SLC39A12: variants seen among roughly 807,000 people sequenced by gnomAD.
SLC39A12 encodes the protein zinc transporter ZIP12.
Under a neutral mutation model 71.1 loss-of-function variants are expected in SLC39A12, and 63 were observed. The observed-to-expected ratio is 0.89, with a 90% CI of 0.72 to 1.09. The LOEUF (loss-of-function observed/expected upper bound fraction) is 1.09. SLC39A12 is among the 50% of genes least tolerant of loss of function. The pLI is 0.00. For missense variants in SLC39A12, 892 were observed against 812.6 expected (o/e 1.10, Z -1.19); for synonymous variants, 351 against 301.3 (o/e 1.16, Z -1.71).
chr10:18,033,430 A>C (rs973259444), intron 12 of SLC39A12, among the ~76,000 whole-genome samples: 1 of 151,150 alleles, frequency 6.6e-6, no homozygotes, highest in African/African-American at 2.4e-5. Flanking sequence ...TTTCTAGTTT[A>C]TTTGCGTAGA....
chr10:18,009,203 C>T (rs6482124), intron 12 of SLC39A12, among the ~76,000 whole-genome samples: 46,163 of 151,826 alleles, frequency 0.3, 10,242 homozygotes, highest in African/African-American at 0.63. Flanking sequence ...ACTATAGAAA[C>T]CTCAAGGGGC....
chr10:17,976,543 G>C (rs1835113943), intron 4 of SLC39A12, among the ~76,000 whole-genome samples: 1 of 152,136 alleles, frequency 6.6e-6, no homozygotes, highest in African/African-American at 2.4e-5. Flanking sequence ...TCAGCTTCCT[G>C]AGTAGCTTGG....
At chr10:18,024,948 C>T (rs1239301380) in intron 12 of SLC39A12, among the ~76,000 whole-genome samples, 3 of 152,128 alleles carry the variant, frequency 2.0e-5, no homozygotes, top group African/African-American at 7.2e-5. Flanking sequence ...CTTTCTCCAA[C>T]CCTTTACTTA....
intron 12 of SLC39A12, among the ~76,000 whole-genome samples, chr10:18,028,061 C>T (rs1445568672): frequency 3.3e-5 from 5 of 152,192 alleles, no homozygotes; most frequent in Non-Finnish European, 5.9e-5. Context: ...CCTCCGTGTG[C>T]ACAGTGACTT....
At chr10:18,020,208 G>A (rs112871830) in intron 12 of SLC39A12, among the ~76,000 whole-genome samples, 113 of 152,118 alleles carry the variant, frequency 7.4e-4, no homozygotes, top group Non-Finnish European at 1.4e-3. Context: ...TTATAAGTGA[G>A]AACATGCGGT....
At position 17,953,287 on chromosome 10, in the gene SLC39A12, G is replaced by A. The variant is rs376569179; in HGVS notation, c.11G>A (p.Arg4Gln). 4.5e-5 allele frequency: 72 copies of A among 1,614,040 alleles called. No individual in the cohort carries two copies. The African/African-American group carries it at 5.9e-4, about 13-fold the overall frequency. Residue 4 changes from arginine (R) to glutamine (Q), a missense_variant, in exon 2 of 13, where the codon CGG (arginine) becomes CAG (glutamine). Arg to Gln is a conservative substitution (Grantham distance 43, BLOSUM62 1). Coordinates refer to ENST00000377369, the MANE Select transcript of SLC39A12 (RefSeq NM_001145195.2). Reference sequence around the variant, plus strand: ...GGAGGAAGCGTGGAAATGTGCTTCCGGACAAAGCTCTCAGTATCCTGGGTG... The same window carrying A: ...GGAGGAAGCGTGGAAATGTGCTTCCAGACAAAGCTCTCAGTATCCTGGGTG... MCF[R>Q]TKLSVSWVPL...
intron 12 of SLC39A12, among the ~76,000 whole-genome samples, chr10:18,003,654 A>G (rs935220951): frequency 2.0e-5 from 3 of 152,238 alleles, no homozygotes; most frequent in African/African-American, 4.8e-5. Flanking sequence ...TGAAATGTTC[A>G]TAATCTTCAA....
chr10:18,020,981 C>T (rs928687524), intron 12 of SLC39A12, among the ~76,000 whole-genome samples: 2 of 151,970 alleles, frequency 1.3e-5, no homozygotes, highest in African/African-American at 4.8e-5. Context: ...TAATGAGGTC[C>T]CACTTGTCAA....
At chr10:17,995,068 A>C (rs1204324662) in intron 9 of SLC39A12, among the ~76,000 whole-genome samples, 1 of 152,192 alleles carries the variant, frequency 6.6e-6, no homozygotes, top group East Asian at 1.9e-4. Flanking sequence ...CTGTCATATA[A>C]AAGGATTAAA....
rs189227075 is a variant in SLC39A12 at position 17,991,031 on chromosome 10, C to T, written c.1270-120C>T. The T allele has an allele frequency of 1.5e-4, 154 of 1,022,380 alleles. No individual in the cohort carries two copies. In the East Asian group the frequency reaches 3.8e-3, roughly 25 times the overall value. 63.3% of individuals were successfully genotyped at this position (1,022,380 alleles called of 1,614,324 possible). A position where few individuals can be genotyped will look rare whatever the true frequency, so the allele number is the denominator to read the frequency against. On this transcript the variant is annotated intron_variant, in intron 7 of 12. Coordinates refer to ENST00000377369, the MANE Select transcript of SLC39A12 (RefSeq NM_001145195.2). The stretch of plus-strand genomic sequence containing the variant: ...TTAGTGATTGTATTAATAGTTGTCA[C>T]GGCATTTCCCAGAATGAAAATTAAA...
chr10:17,970,447 C>T (rs1319958488), intron 4 of SLC39A12, among the ~76,000 whole-genome samples: 1 of 151,878 alleles, frequency 6.6e-6, no homozygotes, highest in Non-Finnish European at 1.5e-5. Context: ...TTCTTGGTGT[C>T]TTCTTCAGTT....
chr10:17,999,885 A>G (rs145162624), intron 10 of SLC39A12, among the ~76,000 whole-genome samples: 319 of 152,346 alleles, frequency 2.1e-3, no homozygotes, highest in African/African-American at 7.3e-3. Context: ...ACAATCACAC[A>G]GTGACAGAAA....
chr10:18,040,114 T>G (rs1182925823), intron 12 of SLC39A12, among the ~76,000 whole-genome samples: 1 of 152,240 alleles, frequency 6.6e-6, no homozygotes, highest in Non-Finnish European at 1.5e-5. Flanking sequence ...ATCAGATGTT[T>G]CAGCTGCTTC....
intron 12 of SLC39A12, among the ~76,000 whole-genome samples, chr10:18,026,450 T>C (rs1394917230): frequency 1.3e-5 from 2 of 152,168 alleles, no homozygotes; most frequent in Non-Finnish European, 2.9e-5. Context: ...GGTGAGATAT[T>C]TTTTTCATCT....
chr10:18,040,939 G>T (rs543396323), intron 12 of SLC39A12, among the ~76,000 whole-genome samples: 28 of 152,034 alleles, frequency 1.8e-4, no homozygotes, highest in African/African-American at 6.8e-4. Context: ...CCATGATTGT[G>T]GGCAGAGACA....
At chr10:18,000,515 G>GTC in intron 10 of SLC39A12, 152 bp from the exon 11 acceptor site, 1 of 704,272 alleles carries the variant, frequency 1.4e-6, no homozygotes, top group Admixed American at 2.6e-5. Flanking sequence ...TGAATCTCTA[G>GTC]TCCTGACTTT....
At chr10:18,032,574 A>G (rs1836880101) in intron 12 of SLC39A12, among the ~76,000 whole-genome samples, 1 of 147,382 alleles carries the variant, frequency 6.8e-6, no homozygotes, top group South Asian at 2.2e-4. Context: ...TTTTCTAGAT[A>G]TACAATCATG....
At chr10:17,989,951 A>G (rs977023214) in intron 7 of SLC39A12, among the ~76,000 whole-genome samples, 1 of 152,046 alleles carries the variant, frequency 6.6e-6, no homozygotes, top group Non-Finnish European at 1.5e-5. Flanking sequence ...TGTTGGAAAG[A>G]GGAAGAAAGA....
At chr10:18,036,330 G>C (rs1023748339) in intron 12 of SLC39A12, among the ~76,000 whole-genome samples, 1 of 152,354 alleles carries the variant, frequency 6.6e-6, no homozygotes, top group South Asian at 2.1e-4. Context: ...TCCGAGCCAG[G>C]TGTGGGATAT....
Sources: gnomAD v4.1 joint callset for allele counts (sites outside exome capture counted in the v4.1 genomes callset) on GRCh38, gnomAD v4.1.1 for gene constraint, MANE v1.5 for transcripts, NCBI Gene and HGNC (gene_info 2026-07-23, HGNC 2026-07-21) for gene names.